PCDH15: variants seen among roughly 807,000 people sequenced by gnomAD.
PCDH15 encodes protocadherin-15.
Under a neutral mutation model 178.5 loss-of-function variants are expected in PCDH15, and 129 were observed. That is an observed-to-expected ratio of 0.72 (90% CI 0.63 to 0.84). PCDH15 has a LOEUF of 0.84. Among genes scored for constraint, PCDH15 ranks in the 40% least tolerant of loss-of-function variants. PCDH15 has a pLI of 0.00. For synonymous variants in PCDH15, 800 were observed against 732.0 expected (o/e 1.09, Z -1.50); for missense variants, 2,230 against 2,099.9 (o/e 1.06, Z -1.21).
chr10:54,750,586 A>C (rs1471070293), intron 1 of PCDH15, among the ~76,000 whole-genome samples: 1 of 152,146 alleles, frequency 6.6e-6, no homozygotes, highest in Admixed American at 6.5e-5. Flanking sequence ...GAAGACAATA[A>C]GTTGGAGGCA....
chr10:53,860,174 G>C (rs572055722), intron 27 of PCDH15, among the ~76,000 whole-genome samples: 1 of 152,244 alleles, frequency 6.6e-6, no homozygotes, highest in African/African-American at 2.4e-5. Flanking sequence ...TGTTAACTTT[G>C]ATAAGACTTT....
intron 3 of PCDH15, among the ~76,000 whole-genome samples, chr10:54,502,614 G>T (rs142999811): frequency 6.6e-6 from 1 of 152,026 alleles, no homozygotes; most frequent in Non-Finnish European, 1.5e-5. Context: ...AGAGTTTATG[G>T]TTTAACATGT....
chr10:54,943,855 C>T (rs1279256504), intron 2 of PCDH15, among the ~76,000 whole-genome samples: 1 of 138,922 alleles, frequency 7.2e-6, no homozygotes, highest in Admixed American at 7.0e-5. Flanking sequence ...CCAAAGTTTT[C>T]CTTGGCTAGA....
intron 18 of PCDH15, among the ~76,000 whole-genome samples, chr10:54,035,002 T>G (rs1490024134): frequency 6.6e-6 from 1 of 151,916 alleles, no homozygotes; most frequent in Admixed American, 6.6e-5. Flanking sequence ...GTAGGAAACT[T>G]CATTTGGATG....
chr10:54,030,486 C>A (rs919239235), intron 18 of PCDH15, among the ~76,000 whole-genome samples: 5 of 151,056 alleles, frequency 3.3e-5, no homozygotes, highest in Admixed American at 1.3e-4. Context: ...ACTCTCCACA[C>A]AAATGCCTCA....
At chr10:54,092,018 A>G (rs574593968) in intron 15 of PCDH15, among the ~76,000 whole-genome samples, 226 of 152,288 alleles carry the variant, frequency 1.5e-3, no homozygotes, top group Non-Finnish European at 1.6e-3. Context: ...CCAATTTAAA[A>G]GGTTAAAAGC....
chr10:55,554,482 C>A (rs376160162), intron 2 of PCDH15, among the ~76,000 whole-genome samples: 3 of 151,910 alleles, frequency 2.0e-5, no homozygotes, highest in East Asian at 3.9e-4. Context: ...ATTAATGAAC[C>A]AATATTGACA....
intron 21 of PCDH15, among the ~76,000 whole-genome samples, chr10:53,965,036 G>C (rs1296956875): frequency 6.6e-6 from 1 of 150,658 alleles, no homozygotes; most frequent in Non-Finnish European, 1.5e-5. Context: ...AATAAGTTCA[G>C]AAGTTGGTAT....
At chr10:55,221,314 A>G (rs1840869341) in intron 1 of PCDH15, among the ~76,000 whole-genome samples, 1 of 152,100 alleles carries the variant, frequency 6.6e-6, no homozygotes, top group Non-Finnish European at 1.5e-5. Context: ...TCTAGGCTTT[A>G]AAATATGGAT....
At chr10:54,758,942 C>T (rs7910596) in intron 1 of PCDH15, among the ~76,000 whole-genome samples, 1 of 151,974 alleles carries the variant, frequency 6.6e-6, no homozygotes, top group Non-Finnish European at 1.5e-5. Flanking sequence ...TCCTATAGGT[C>T]TGGCTTCTTC....
chr10:54,690,965 T>C (rs2095110707), intron 1 of PCDH15, among the ~76,000 whole-genome samples: 1 of 152,162 alleles, frequency 6.6e-6, no homozygotes. Context: ...ATGTAGCTTA[T>C]GACTTACAAA....
chr10:55,550,198 T>C (rs934969706), intron 2 of PCDH15, among the ~76,000 whole-genome samples: 4 of 152,202 alleles, frequency 2.6e-5, no homozygotes, highest in African/African-American at 9.6e-5. Flanking sequence ...TTCTTATCTA[T>C]TGTATTCTTC....
chr10:54,060,561 A>G (rs557671594), intron 18 of PCDH15, among the ~76,000 whole-genome samples: 1 of 152,316 alleles, frequency 6.6e-6, no homozygotes, highest in South Asian at 2.1e-4. Context: ...TAATCCTTCA[A>G]ATCACTACTT....
At chr10:55,589,098 A>AAG (rs889640331) in intron 2 of PCDH15, among the ~76,000 whole-genome samples, 2 of 151,312 alleles carry the variant, frequency 1.3e-5, no homozygotes, top group East Asian at 1.9e-4. Flanking sequence ...AAAAAAAAAA[A>AAG]AAAGAAAGAA....
chr10:54,315,761 C>G (rs1191322243), intron 8 of PCDH15, among the ~76,000 whole-genome samples: 2 of 152,122 alleles, frequency 1.3e-5, no homozygotes, highest in East Asian at 3.9e-4. Context: ...AGCCAGTTCT[C>G]CCAGCACCAT....
At chr10:53,895,040 G>A (rs2081857568) in intron 26 of PCDH15, among the ~76,000 whole-genome samples, 1 of 152,118 alleles carries the variant, frequency 6.6e-6, no homozygotes, top group Admixed American at 6.5e-5. Flanking sequence ...ACTGTTCTCT[G>A]TAAATTAAAG....
chr10:54,243,589 T>C (rs1376291516), intron 8 of PCDH15, among the ~76,000 whole-genome samples: 1 of 152,206 alleles, frequency 6.6e-6, no homozygotes, highest in Non-Finnish European at 1.5e-5. Flanking sequence ...TCTTGATTAT[T>C]TTCAGCCAGA....
At chr10:54,793,237 C>A (rs117669310) in intron 1 of PCDH15, among the ~76,000 whole-genome samples, 1,569 of 151,990 alleles carry the variant, frequency 0.01, 20 homozygotes, top group South Asian at 0.06. Context: ...TATTGAGTAG[C>A]TGAGCCTCCA....
chr10:54,150,294 A>G (rs1307255188), intron 14 of PCDH15, among the ~76,000 whole-genome samples: 1 of 152,120 alleles, frequency 6.6e-6, no homozygotes, highest in Non-Finnish European at 1.5e-5. Context: ...TGAGAATCTA[A>G]TACTCCACCA....
Sources: allele counts gnomAD v4.1 joint callset (sites outside exome capture counted in the v4.1 genomes callset), GRCh38; gene constraint gnomAD v4.1.1; transcripts MANE v1.5; gene names NCBI Gene and HGNC (gene_info 2026-07-23, HGNC 2026-07-21).